RFC3: variants seen among roughly 807,000 people sequenced by gnomAD.
RFC3 encodes A1 38 kDa subunit.
Under a neutral mutation model 45.1 loss-of-function variants are expected in RFC3, and 41 were observed. The observed-to-expected ratio is 0.91, with a 90% CI of 0.71 to 1.18. RFC3 has a LOEUF of 1.18. Among genes scored for constraint, RFC3 ranks in the 50% most tolerant of loss-of-function variants. The probability of loss-of-function intolerance (pLI) is 0.00; values close to 1 mark genes in which losing one functional copy is unlikely to be tolerated. For synonymous variants in RFC3, 149 were observed against 144.0 expected (o/e 1.03, Z -0.25); for missense variants, 423 against 428.1 (o/e 0.99, Z 0.10).
chr13:33,853,584 G>A (rs1012576198), intron 8 of RFC3, among the ~76,000 whole-genome samples: 2 of 152,162 alleles, frequency 1.3e-5, no homozygotes, highest in Admixed American at 6.6e-5. Context: ...GGCAGGATAC[G>A]CTGGAGGAAG....
chr13:33,875,212 A>G (rs1379879420), intron 8 of RFC3, among the ~76,000 whole-genome samples: 1 of 152,242 alleles, frequency 6.6e-6, no homozygotes, highest in Non-Finnish European at 1.5e-5. Context: ...TAGAGAAGGC[A>G]GATGTTTGAA....
At chr13:33,924,091 A>G (rs1277014944) in intron 8 of RFC3, among the ~76,000 whole-genome samples, 2 of 152,076 alleles carry the variant, frequency 1.3e-5, no homozygotes, top group African/African-American at 4.8e-5. Context: ...ACTAAATATA[A>G]CTTGTAGAAA....
intron 8 of RFC3, among the ~76,000 whole-genome samples, chr13:33,859,603 C>A (rs2082328058): frequency 6.6e-6 from 1 of 152,014 alleles, no homozygotes; most frequent in South Asian, 2.1e-4. Context: ...ATGGATAATT[C>A]CTATTTTTTG....
At chr13:33,944,839 G>C (rs953695521) in intron 8 of RFC3, among the ~76,000 whole-genome samples, 1 of 151,958 alleles carries the variant, frequency 6.6e-6, no homozygotes, top group Non-Finnish European at 1.5e-5. Context: ...GAAACAGTGG[G>C]GGCAAATGCA....
chr13:33,880,865 G>C (rs186983784), intron 8 of RFC3, among the ~76,000 whole-genome samples: 55 of 152,238 alleles, frequency 3.6e-4, no homozygotes, highest in Non-Finnish European at 7.1e-4. Flanking sequence ...AGACCAGCCT[G>C]GCCAATATAG....
chr13:33,826,605 A>G (rs1234127509), intron 4 of RFC3, among the ~76,000 whole-genome samples: 1 of 152,162 alleles, frequency 6.6e-6, no homozygotes, highest in African/African-American at 2.4e-5. Context: ...ATTTACATTT[A>G]TGAATTTATT....
At chr13:33,879,966 T>G (rs751192239) in intron 8 of RFC3, among the ~76,000 whole-genome samples, 6 of 152,240 alleles carry the variant, frequency 3.9e-5, no homozygotes, top group Non-Finnish European at 7.3e-5. Context: ...TGCATCACTC[T>G]GACACTAACT....
intron 8 of RFC3, among the ~76,000 whole-genome samples, chr13:33,866,084 C>T (rs201561281): frequency 5.0e-4 from 76 of 152,182 alleles, no homozygotes; most frequent in African/African-American, 1.8e-3. Flanking sequence ...AAATGAAACT[C>T]GGTGTACCAT....
intron 8 of RFC3, among the ~76,000 whole-genome samples, chr13:33,887,320 T>C (rs1426667264): frequency 6.6e-6 from 1 of 151,440 alleles, no homozygotes; most frequent in Non-Finnish European, 1.5e-5. Flanking sequence ...TTTTAATGAT[T>C]GCCATTCTAA....
chr13:33,867,713 C>T (rs912885315), intron 8 of RFC3, among the ~76,000 whole-genome samples: 1 of 152,162 alleles, frequency 6.6e-6, no homozygotes, highest in Non-Finnish European at 1.5e-5. Context: ...GTTTGTGTCA[C>T]CCATGAGCTA....
chr13:33,975,871 A>G, the RFC3 span, among the ~76,000 whole-genome samples: 3 of 152,234 alleles, frequency 2.0e-5, no homozygotes, highest in African/African-American at 7.2e-5. Flanking sequence ...TTGCTCTGTC[A>G]GCAGAGGGGG....
chr13:33,885,273 ACAT>A (rs1215651452), intron 8 of RFC3, among the ~76,000 whole-genome samples: 3 of 152,128 alleles, frequency 2.0e-5, no homozygotes, highest in Admixed American at 1.3e-4. Context: ...AATATTTGAG[ACAT>A]CATAGGAAAA....
chr13:33,861,238 A>G (rs1336525303), intron 8 of RFC3, among the ~76,000 whole-genome samples: 1 of 152,238 alleles, frequency 6.6e-6, no homozygotes, highest in African/African-American at 2.4e-5. Flanking sequence ...AGCATTGATG[A>G]TAAACTTTAT....
intron 8 of RFC3, among the ~76,000 whole-genome samples, chr13:33,886,509 T>C (rs1340154652): frequency 2.1e-5 from 3 of 142,474 alleles, no homozygotes; most frequent in African/African-American, 7.9e-5. Context: ...CACTCCAGCC[T>C]GGGCGACAGA....
Position 33,897,509 on chromosome 13 carries a change from AAG to A in RFC3, c.879+62293_879+62294del, listed in dbSNP as rs772819746. Reference sequence around the variant, plus strand: ...AAAGGAAAAGAGTAAGAAAAAAAGAAAGGAGTTAGAAAACAACCAGAAAATAA... The same window carrying A: ...AAAGGAAAAGAGTAAGAAAAAAAGAAGAGTTAGAAAACAACCAGAAAATAA... On this transcript the variant is annotated intron_variant, in intron 8 of 8. Transcript: ENST00000434425. 5.3e-5 allele frequency among the ~76,000 whole-genome samples: 8 copies of A among 152,208 alleles called. No homozygotes were observed. The East Asian group carries it at 1.5e-3, about 29-fold the overall frequency.
At chr13:33,921,835 A>T (rs1198608906) in intron 8 of RFC3, among the ~76,000 whole-genome samples, 1 of 152,114 alleles carries the variant, frequency 6.6e-6, no homozygotes. Context: ...GTAGACAAGG[A>T]TTTGAACTAA....
In RFC3 at chr13:33,818,266, GTGA is replaced by G; in HGVS notation, c.87+2_87+4del. 1 of 1,613,350 alleles carries G rather than the reference GTGA, an allele frequency of 6.2e-7. No homozygotes were observed. Among genetic ancestry groups the G allele is most frequent in the East Asian group, 2.2e-5 (1 of 44,876 alleles). ...GCAGGCGGCCCAGCTGCGGAACCTG[GTGA>G]GTCTGCGGGGGCCGGGAGCGTGGGA... On this transcript the variant is annotated splice_donor_variant and splice_donor_region_variant and intron_variant, in intron 1 of 8. Transcript: ENST00000380071. LOFTEE classifies it high-confidence loss of function.
chr13:33,892,968 A>C (rs2082572909), intron 8 of RFC3, among the ~76,000 whole-genome samples: 1 of 152,196 alleles, frequency 6.6e-6, no homozygotes, highest in Admixed American at 6.5e-5. Flanking sequence ...GTGGACAAGC[A>C]GGTTTTCCAC....
chr13:33,850,918 ATTC>A (rs2082272534), intron 8 of RFC3: 2 of 152,144 alleles, frequency 1.3e-5, no homozygotes, highest in South Asian at 4.1e-4. Flanking sequence ...AACTAAGACA[ATTC>A]TTCTGTGGTA....
Sources: gnomAD v4.1 joint callset for allele counts (sites outside exome capture counted in the v4.1 genomes callset) on GRCh38, gnomAD v4.1.1 for gene constraint, MANE v1.5 for transcripts, NCBI Gene and HGNC (gene_info 2026-07-23, HGNC 2026-07-21) for gene names.